GLIS1: variants seen among roughly 807,000 people sequenced by gnomAD.
GLIS1 encodes the protein zinc finger protein GLIS1.
Under a neutral mutation model 63.8 loss-of-function variants are expected in GLIS1, and 24 were observed. The ratio of observed to expected loss-of-function variants is 0.38; its 90% CI spans 0.27 to 0.53. GLIS1 has a LOEUF of 0.53. Among genes scored for constraint, GLIS1 ranks in the 20% least tolerant of loss-of-function variants. GLIS1 has a pLI of 0.85. For missense variants in GLIS1, 1,036 were observed against 1,074.1 expected (o/e 0.96, Z 0.50); for synonymous variants, 450 against 482.5 (o/e 0.93, Z 0.88).
rs572207191 is a variant in GLIS1, at chr1:53,630,829, A to G, written c.260-30551T>C. 5.3e-4 allele frequency among the ~76,000 whole-genome samples: 81 copies of G among 152,358 alleles called. 1 individual carries two copies. The highest frequency in any genetic ancestry group is 6.8e-3 in the Middle Eastern group (2 of 294). On this transcript the variant is annotated intron_variant, in intron 2 of 10. Coordinates refer to ENST00000628545, the MANE Select transcript of GLIS1 (RefSeq NM_001367484.1). ...GCCAATTTCATTGCACACATCAACA[A>G]AGAGCAATAGGATTTCCTTTCTCTC...
chr1:53,704,039 T>C (rs1351404748), intron 2 of GLIS1, among the ~76,000 whole-genome samples: 1 of 152,260 alleles, frequency 6.6e-6, no homozygotes. Context: ...CATTCTTCAA[T>C]AAGAGGGATT....
chr1:53,536,152 G>T (rs1358088338), intron 4 of GLIS1, among the ~76,000 whole-genome samples: 2 of 152,028 alleles, frequency 1.3e-5, no homozygotes, highest in African/African-American at 4.8e-5. Flanking sequence ...AATGATACAG[G>T]CACCTTCTGT....
chr1:53,519,248 G>A (rs563009041), intron 7 of GLIS1, among the ~76,000 whole-genome samples: 1 of 152,292 alleles, frequency 6.6e-6, no homozygotes, highest in East Asian at 1.9e-4. Flanking sequence ...TGAGGAGGGT[G>A]CAGACCCTCC....
At chr1:53,612,889 A>G (rs2950261) in intron 2 of GLIS1, among the ~76,000 whole-genome samples, 113,188 of 149,734 alleles carry the variant, frequency 0.76, 42,768 homozygotes, top group Middle Eastern at 0.86. Context: ...CACGATCTCG[A>G]CTCACAGCAA....
intron 4 of GLIS1, among the ~76,000 whole-genome samples, chr1:53,550,996 G>C (rs559268527): frequency 6.6e-6 from 1 of 152,000 alleles, no homozygotes; most frequent in African/African-American, 2.4e-5. Flanking sequence ...GATTACAGGC[G>C]CCCGCCAACA....
chr1:53,658,403 G>A (rs1015856165), intron 2 of GLIS1, among the ~76,000 whole-genome samples: 10 of 152,196 alleles, frequency 6.6e-5, no homozygotes, highest in Non-Finnish European at 1.5e-4. Context: ...TATTGAATAC[G>A]TTAATGAAAT....
At chr1:53,718,426 G>T (rs1416149287) in intron 2 of GLIS1, among the ~76,000 whole-genome samples, 2 of 152,036 alleles carry the variant, frequency 1.3e-5, no homozygotes, top group African/African-American at 4.8e-5. Flanking sequence ...CGGCAAGCGG[G>T]GGAATGGTAA....
intron 2 of GLIS1, among the ~76,000 whole-genome samples, chr1:53,650,626 G>C (rs1014893638): frequency 6.6e-6 from 1 of 151,454 alleles, no homozygotes; most frequent in Non-Finnish European, 1.5e-5. Context: ...TTTAGGAAAG[G>C]CTTGGTAGGG....
At chr1:53,685,496 T>G (rs974466774) in intron 2 of GLIS1, among the ~76,000 whole-genome samples, 17 of 152,260 alleles carry the variant, frequency 1.1e-4, no homozygotes, top group African/African-American at 3.6e-4. Context: ...TTTGATCTGC[T>G]GCATTTTCTG....
intron 4 of GLIS1, among the ~76,000 whole-genome samples, chr1:53,584,939 T>A (rs1645120253): frequency 6.6e-6 from 1 of 152,228 alleles, no homozygotes; most frequent in Non-Finnish European, 1.5e-5. Context: ...TCAGAAAACA[T>A]GGTCTGGACA....
At chr1:53,668,197 C>T (rs1375010156) in intron 2 of GLIS1, among the ~76,000 whole-genome samples, 2 of 152,214 alleles carry the variant, frequency 1.3e-5, no homozygotes, top group African/African-American at 4.8e-5. Flanking sequence ...GGGATTCATC[C>T]TGTGCATTAT....
intron 4 of GLIS1, among the ~76,000 whole-genome samples, chr1:53,540,795 C>A (rs146632734): frequency 1.3e-5 from 2 of 152,358 alleles, no homozygotes; most frequent in Non-Finnish European, 2.9e-5. Flanking sequence ...ATGCCCAGCA[C>A]TGTACAACAT....
At chr1:53,531,166 G>A (rs543036347) in intron 4 of GLIS1, among the ~76,000 whole-genome samples, 3 of 152,318 alleles carry the variant, frequency 2.0e-5, no homozygotes, top group African/African-American at 7.2e-5. Flanking sequence ...CCCTTGAGGA[G>A]GAAGGGACCA....
chr1:53,541,353 T>C (rs759876503), intron 4 of GLIS1, among the ~76,000 whole-genome samples: 1 of 152,180 alleles, frequency 6.6e-6, no homozygotes, highest in Non-Finnish European at 1.5e-5. Context: ...GTGGTATCAA[T>C]AGGCCAGGCT....
chr1:53,509,265 G>A lies in GLIS1; in HGVS notation c.2085C>T (p.Ser695=), dbSNP rs1310222342. The stretch of plus-strand genomic sequence containing the variant: ...CGCCATAGGGGAAGCAACTCTGGAT[G>A]GAGTGGAAACTGCCCTGGTAACCTG... ...SPQGYQGSFH[S]IQSCFPYGDC... The change falls in exon 10 of 11, where the codon TCC becomes TCT. Residue 695 remains serine, a synonymous_variant. Coordinates refer to ENST00000628545, the MANE Select transcript of GLIS1 (RefSeq NM_001367484.1). 2 of 1,586,398 alleles carry A rather than the reference G, an allele frequency of 1.3e-6. No individual in the cohort carries two copies. Among genetic ancestry groups the A allele is most frequent in the Admixed American group, 1.7e-5 (1 of 57,232 alleles).
intron 2 of GLIS1, among the ~76,000 whole-genome samples, chr1:53,706,629 A>G (rs527982275): frequency 2.0e-5 from 3 of 152,332 alleles, no homozygotes; most frequent in South Asian, 4.1e-4. Context: ...GCTTTCATTT[A>G]TCGGCCTTTA....
chr1:53,537,119 C>T (rs1311456818), intron 4 of GLIS1, among the ~76,000 whole-genome samples: 1 of 152,184 alleles, frequency 6.6e-6, no homozygotes, highest in Non-Finnish European at 1.5e-5. Context: ...CAGAGGGGAG[C>T]CATCCCAGGA....
chr1:53,666,596 C>T (rs1023819426), intron 2 of GLIS1, among the ~76,000 whole-genome samples: 1 of 152,194 alleles, frequency 6.6e-6, no homozygotes, highest in African/African-American at 2.4e-5. Flanking sequence ...CCCACTCTGC[C>T]CACTCTTGGG....
intron 4 of GLIS1, among the ~76,000 whole-genome samples, chr1:53,587,516 G>A (rs1046461068): frequency 6.6e-6 from 1 of 152,124 alleles, no homozygotes; most frequent in African/African-American, 2.4e-5. Flanking sequence ...GCAGCTTTTT[G>A]ATTTGACCAG....
Sources: allele counts gnomAD v4.1 joint callset (sites outside exome capture counted in the v4.1 genomes callset), GRCh38; gene constraint gnomAD v4.1.1; transcripts MANE v1.5; gene names NCBI Gene and HGNC (gene_info 2026-07-23, HGNC 2026-07-21).